The following LRRTM4 variants were observed in gnomAD, a reference collection of about 807,000 sequenced individuals.
The protein encoded by LRRTM4 is leucine-rich repeat transmembrane neuronal protein 4.
LRRTM4 carries 25 observed loss-of-function variants against 47.6 expected under a neutral mutation model. The observed-to-expected ratio is 0.53, with a 90% CI of 0.38 to 0.73. The LOEUF (loss-of-function observed/expected upper bound fraction) is 0.73, where lower values mean the gene tolerates loss of function less well. LRRTM4 is among the 30% of genes least tolerant of loss of function. LRRTM4 has a pLI of 0.00. For synonymous variants in LRRTM4, 311 were observed against 269.5 expected, an observed-to-expected ratio of 1.15 and a Z score of -1.51; for missense variants, 638 against 713.4, an observed-to-expected ratio of 0.89 and a Z score of 1.20.
intron 3 of LRRTM4, among the ~76,000 whole-genome samples, chr2:76,971,619 A>G (rs540634571): frequency 7.2e-5 from 11 of 152,038 alleles, no homozygotes; most frequent in Non-Finnish European, 1.2e-4. Context: ...TGTTGGAGCA[A>G]TATTGGAGCA....
intron 3 of LRRTM4, among the ~76,000 whole-genome samples, chr2:77,271,566 G>A (rs1676196458): frequency 6.6e-6 from 1 of 152,122 alleles, no homozygotes; most frequent in Non-Finnish European, 1.5e-5. Flanking sequence ...GTCTAGCAGA[G>A]GGGCCAAGAA....
intron 3 of LRRTM4, among the ~76,000 whole-genome samples, chr2:77,487,406 G>T (rs573583112): frequency 3.3e-4 from 51 of 152,330 alleles, no homozygotes; most frequent in African/African-American, 1.1e-3. Flanking sequence ...TCATGATCCG[G>T]CTGGGTGTGT....
chr2:77,330,589 G>A (rs868183735), intron 3 of LRRTM4, among the ~76,000 whole-genome samples: 13 of 151,914 alleles, frequency 8.6e-5, no homozygotes, highest in South Asian at 6.2e-4. Flanking sequence ...GAAATAAAAC[G>A]AAAAAATTGC....
chr2:77,374,632 A>G lies in LRRTM4; in HGVS notation c.1551+143686T>C, dbSNP rs138914154. Among the ~76,000 whole-genome samples, 4 of 151,914 alleles carry G rather than the reference A, an allele frequency of 2.6e-5. No individual in the cohort carries two copies. In the East Asian group the frequency reaches 7.8e-4, roughly 29 times the overall value. ...CCTCAAGCCAGAATGGTTCCAGCAGAGCGATTACTTTCAAAAGCTGTATAA... is the reference window on the plus strand; with the variant it reads ...CCTCAAGCCAGAATGGTTCCAGCAGGGCGATTACTTTCAAAAGCTGTATAA... On this transcript the variant is annotated intron_variant, in intron 3 of 3. Transcript: ENST00000409884.
At chr2:76,907,104 C>G (rs1175871399) in intron 3 of LRRTM4, among the ~76,000 whole-genome samples, 1 of 151,726 alleles carries the variant, frequency 6.6e-6, no homozygotes, top group Non-Finnish European at 1.5e-5. Flanking sequence ...TAAAGCTCTC[C>G]TCAGCAAATG....
intron 3 of LRRTM4, among the ~76,000 whole-genome samples, chr2:76,895,700 T>A (rs967092519): frequency 1.3e-5 from 2 of 152,148 alleles, no homozygotes; most frequent in African/African-American, 4.8e-5. Context: ...GCCATCGGAA[T>A]GGAATGTGAC....
intron 3 of LRRTM4, among the ~76,000 whole-genome samples, chr2:76,966,923 G>C: frequency 6.6e-6 from 1 of 151,110 alleles, no homozygotes; most frequent in South Asian, 2.1e-4. Context: ...TTTTCTTAAG[G>C]TACCCATTCA....
In LRRTM4 at chr2:77,275,925, T is replaced by C. The variant is rs77035390; in HGVS notation, c.1551+242393A>G. On this transcript the variant is annotated intron_variant, in intron 3 of 3. Transcript: ENST00000409884. ...TTATGATGAGCTTGTATCTGAGTCC[T>C]CACAATTAAGATGACAATCCCTTTC... Among the ~76,000 whole-genome samples the C allele has an allele frequency of 8.5e-3, 1,297 of 152,222 alleles. 14 individuals carry two copies. Among genetic ancestry groups the C allele is most frequent in the African/African-American group, 0.029 (1,212 of 41,552 alleles).
intron 3 of LRRTM4, among the ~76,000 whole-genome samples, chr2:76,771,765 G>A (rs1360676742): frequency 2.0e-5 from 3 of 152,046 alleles, no homozygotes; most frequent in Non-Finnish European, 4.4e-5. Context: ...ATACCCAAGG[G>A]ACTGGTCCCT....
intron 3 of LRRTM4, among the ~76,000 whole-genome samples, chr2:77,324,618 T>A (rs1262113206): frequency 6.6e-6 from 1 of 152,176 alleles, no homozygotes; most frequent in South Asian, 2.1e-4. Flanking sequence ...TTCTTGTAGT[T>A]ATAATAGAGT....
chr2:77,384,592 A>C (rs1206577895), intron 3 of LRRTM4, among the ~76,000 whole-genome samples: 1 of 152,072 alleles, frequency 6.6e-6, no homozygotes, highest in Non-Finnish European at 1.5e-5. Context: ...AAATGAAAAA[A>C]ATGGCATTTA....
At chr2:77,371,610 C>A (rs1166477849) in intron 3 of LRRTM4, among the ~76,000 whole-genome samples, 1 of 151,734 alleles carries the variant, frequency 6.6e-6, no homozygotes, top group Non-Finnish European at 1.5e-5. Flanking sequence ...AATGAAGTGA[C>A]CTTCTTCTTG....
At chr2:77,066,961 G>GC (rs1248899101) in intron 3 of LRRTM4, among the ~76,000 whole-genome samples, 2 of 152,142 alleles carry the variant, frequency 1.3e-5, no homozygotes, top group East Asian at 3.9e-4. Flanking sequence ...TCTTTGCTTG[G>GC]ATTCCCCATG....
At chr2:77,032,565 T>C (rs1558539509) in intron 3 of LRRTM4, among the ~76,000 whole-genome samples, 1 of 152,126 alleles carries the variant, frequency 6.6e-6, no homozygotes, top group African/African-American at 2.4e-5. Flanking sequence ...ATTGAATAGA[T>C]GAAAAAAAGC....
intron 3 of LRRTM4, among the ~76,000 whole-genome samples, chr2:77,158,405 T>A (rs1190603178): frequency 6.6e-6 from 1 of 152,202 alleles, no homozygotes; most frequent in Non-Finnish European, 1.5e-5. Flanking sequence ...TTATTTTATC[T>A]TTTTGGGGAA....
At chr2:76,809,655 T>G (rs1022807714) in intron 3 of LRRTM4, among the ~76,000 whole-genome samples, 18 of 152,194 alleles carry the variant, frequency 1.2e-4, no homozygotes, top group Admixed American at 5.9e-4. Context: ...TGCACTCTTC[T>G]GCTTAGTGTC....
rs1314975429 is a variant in LRRTM4, at chr2:77,458,615, AG to A, written c.1551+59702del. ...TCTGGCTTCTACTGGTGCAAAATAA[AG>A]TATGCTAGTGAGATTTTATAGTACA... On this transcript the variant is annotated intron_variant, in intron 3 of 3. Transcript: ENST00000409884. Among the ~76,000 whole-genome samples, 3 of 151,988 alleles carry A rather than the reference AG, an allele frequency of 2.0e-5. No individual in the cohort carries two copies. The East Asian group carries it at 5.8e-4, about 29-fold the overall frequency.
intron 3 of LRRTM4, among the ~76,000 whole-genome samples, chr2:77,002,654 A>C (rs1164022202): frequency 6.6e-6 from 1 of 152,136 alleles, no homozygotes; most frequent in Non-Finnish European, 1.5e-5. Context: ...TTTACTCCAC[A>C]GTGCCGTTTT....
intron 3 of LRRTM4, among the ~76,000 whole-genome samples, chr2:76,806,080 G>A (rs750343679): frequency 1.3e-5 from 2 of 152,116 alleles, no homozygotes; most frequent in South Asian, 2.1e-4. Context: ...ACAGAACAAG[G>A]CAAAATATTG....
Sources: allele counts gnomAD v4.1 joint callset (sites outside exome capture counted in the v4.1 genomes callset), GRCh38; gene constraint gnomAD v4.1.1; transcripts MANE v1.5; gene names NCBI Gene and HGNC (gene_info 2026-07-23, HGNC 2026-07-21).